Variants in ZNF503 observed in about 807,000 individuals in gnomAD.
The protein encoded by ZNF503 is zinc finger protein 503, also known as NocA-like zinc finger 2.
ZNF503 carries 15 observed loss-of-function variants against 34.4 expected under a neutral mutation model. The ratio of observed to expected loss-of-function variants is 0.44; its 90% confidence interval spans 0.29 to 0.67. ZNF503 has a LOEUF of 0.67. Ranked by LOEUF, ZNF503 falls within the 30% of genes least tolerant of loss-of-function variation. ZNF503 has a pLI of 0.13. For missense variants in ZNF503, 1,007 were observed against 926.8 expected (o/e 1.09, Z -1.12); for synonymous variants, 580 against 456.8 (o/e 1.27, Z -3.44).
chr10:75,359,602 A>C, the ZNF503 span, among the ~76,000 whole-genome samples: 1 of 152,190 alleles, frequency 6.6e-6, no homozygotes, highest in East Asian at 1.9e-4. Flanking sequence ...TGGAGAACCC[A>C]CATCTTCACT....
the ZNF503 span, among the ~76,000 whole-genome samples, chr10:75,388,128 C>T: frequency 5.9e-5 from 9 of 152,286 alleles, no homozygotes; most frequent in South Asian, 1.0e-3. Context: ...GACAGCAGAC[C>T]ATGTCCAAGT....
At chr10:75,293,035 A>G in the ZNF503 span, among the ~76,000 whole-genome samples, 2 of 152,194 alleles carry the variant, frequency 1.3e-5, no homozygotes, top group Admixed American at 1.3e-4. Context: ...GGTTGCAGGG[A>G]TAGGTGTTAA....
chr10:75,383,041 C>T, the ZNF503 span, among the ~76,000 whole-genome samples: 4 of 152,220 alleles, frequency 2.6e-5, no homozygotes, highest in African/African-American at 9.7e-5. Context: ...TCCTAACACA[C>T]TGCTCTGGAT....
chr10:75,355,141 A>G, the ZNF503 span, among the ~76,000 whole-genome samples: 15 of 152,182 alleles, frequency 9.9e-5, no homozygotes, highest in African/African-American at 3.6e-4. Context: ...CACGGTGCCC[A>G]GCCATCTGCT....
downstream of ZNF503, chr10:75,397,768 C>T (rs939509739): frequency 6.6e-6 from 1 of 152,508 alleles, no homozygotes; most frequent in Non-Finnish European, 1.5e-5. Context: ...CAGTGAGGCC[C>T]CGGAACCCAC....
chr10:75,389,380 C>T, the ZNF503 span, among the ~76,000 whole-genome samples: 3 of 152,152 alleles, frequency 2.0e-5, no homozygotes, highest in Non-Finnish European at 2.9e-5. Context: ...CTCTTGGACC[C>T]AGTATAGGTG....
At chr10:75,334,899 T>C in the ZNF503 span, among the ~76,000 whole-genome samples, 2 of 152,244 alleles carry the variant, frequency 1.3e-5, no homozygotes, top group African/African-American at 2.4e-5. Flanking sequence ...ATGACCTCAT[T>C]TTTCTTCATG....
chr10:75,282,751 A>G, the ZNF503 span, among the ~76,000 whole-genome samples: 1 of 152,126 alleles, frequency 6.6e-6, no homozygotes, highest in East Asian at 1.9e-4. Context: ...TAACAGGATG[A>G]CCTTGGGTAA....
the ZNF503 span, among the ~76,000 whole-genome samples, chr10:75,304,649 A>G: frequency 5.9e-5 from 9 of 152,240 alleles, no homozygotes; most frequent in African/African-American, 1.7e-4. Context: ...GTAAATAATA[A>G]AATTTAACTA....
chr10:75,299,596 A>G, the ZNF503 span, among the ~76,000 whole-genome samples: 3 of 152,298 alleles, frequency 2.0e-5, no homozygotes, highest in Admixed American at 6.5e-5. Flanking sequence ...ATTCAGCCAG[A>G]TATCGGGCAA....
chr10:75,399,305 A>C lies in ZNF503; in HGVS notation c.1385T>G (p.Leu462Arg). The part of the protein sequence containing the change: ...AHDPAAAAAA[L>R]KSGYPLVYPT... ...GTACACCAGCGGGTATCCGGACTTCAGCGCCGCAGCCGCAGCAGCCGGATC... is the reference window on the plus strand; with the variant it reads ...GTACACCAGCGGGTATCCGGACTTCCGCGCCGCAGCCGCAGCAGCCGGATC... Residue 462 changes from leucine to arginine, a missense_variant, in exon 2 of 2, where the codon CTG becomes CGG. By Grantham distance (102) the Leu-to-Arg change is moderately radical. Coordinates refer to ENST00000372524, the MANE Select transcript of ZNF503 (RefSeq NM_032772.6). 6.2e-7 allele frequency: 1 copy of C among 1,602,116 alleles called. No homozygotes were observed. Among genetic ancestry groups the C allele is most frequent in the Non-Finnish European group, 8.5e-7 (1 of 1,176,018 alleles).
chr10:75,295,913 G>T, the ZNF503 span, among the ~76,000 whole-genome samples: 1 of 152,090 alleles, frequency 6.6e-6, no homozygotes, highest in African/African-American at 2.4e-5. This position sits in a 1 kb window ranked among gnomAD's most constrained non-coding sequence, Gnocchi z 4.0. Context: ...GGAGGAAAAA[G>T]AACCCCCCTC....
the ZNF503 span, chr10:75,288,616 A>C: frequency 6.5e-6 from 1 of 152,832 alleles, no homozygotes; most frequent in Non-Finnish European, 1.5e-5. Context: ...ACCTGGACCC[A>C]CTTGGCCTGC....
At chr10:75,296,020 G>A in the ZNF503 span, among the ~76,000 whole-genome samples, 2 of 152,306 alleles carry the variant, frequency 1.3e-5, no homozygotes, top group African/African-American at 4.8e-5. Context: ...GAACTCAATA[G>A]TAACGTGATT....
chr10:75,345,454 G>T, the ZNF503 span, among the ~76,000 whole-genome samples: 1 of 151,870 alleles, frequency 6.6e-6, no homozygotes, highest in Non-Finnish European at 1.5e-5. Context: ...GGCCAACATG[G>T]TGAAACCCTG....
chr10:75,338,249 C>A, the ZNF503 span: 1 of 152,214 alleles, frequency 6.6e-6, no homozygotes, highest in Non-Finnish European at 1.5e-5. Context: ...TCCTTCTGCC[C>A]TCTTTCCCTC....
At chr10:75,332,468 C>CTT in the ZNF503 span, among the ~76,000 whole-genome samples, 14 of 140,842 alleles carry the variant, frequency 9.9e-5, no homozygotes, top group South Asian at 2.3e-4. Context: ...TTAAATTTTT[C>CTT]TTTTTTTTTT....
At chr10:75,296,878 C>G in the ZNF503 span, among the ~76,000 whole-genome samples, 1 of 152,080 alleles carries the variant, frequency 6.6e-6, no homozygotes. Context: ...CTTCTTGCCT[C>G]AGCCAAAGTG....
the ZNF503 span, among the ~76,000 whole-genome samples, chr10:75,390,170 T>C: frequency 6.6e-6 from 1 of 152,140 alleles, no homozygotes; most frequent in Admixed American, 6.5e-5. Context: ...GTGCTGGGAT[T>C]ACAGGCATGA....
Sources: gnomAD v4.1 joint callset for allele counts (sites outside exome capture counted in the v4.1 genomes callset) on GRCh38, gnomAD v4.1.1 for gene constraint, Gnocchi (gnomAD v3.1) non-coding constraint, MANE v1.5 for transcripts, NCBI Gene and HGNC (gene_info 2026-07-23, HGNC 2026-07-21) for gene names.